The following KCNH8 variants were observed in gnomAD, a reference collection of about 807,000 sequenced individuals.
KCNH8 encodes the protein potassium voltage-gated channel subfamily H member 8, also known as voltage-gated delayed rectifier potassium channel KCNH8.
Under a neutral mutation model 103.6 loss-of-function variants are expected in KCNH8, and 70 were observed. That is an observed-to-expected ratio of 0.68 (90% CI 0.56 to 0.82). The LOEUF (loss-of-function observed/expected upper bound fraction) is 0.82, where lower values mean the gene tolerates loss of function less well. KCNH8 is among the 40% of genes least tolerant of loss of function. KCNH8 has a pLI of 0.00. For synonymous variants in KCNH8, 498 were observed against 489.4 expected, an observed-to-expected ratio of 1.02 and a Z score of -0.23; for missense variants, 1,217 against 1,329.9, an observed-to-expected ratio of 0.92 and a Z score of 1.32.
Position 19,451,413 on chromosome 3 carries a change from G to C in KCNH8, c.1825+9G>C. On this transcript the variant is annotated intron_variant, in intron 10 of 15. Transcript: ENST00000328405. Reference sequence around the variant, plus strand: ...GGTGCTGGCTATTCTTGGTAGGTCTGAATTGAAAAACTTGTATGAAATTTG... The same window carrying C: ...GGTGCTGGCTATTCTTGGTAGGTCTCAATTGAAAAACTTGTATGAAATTTG... 6.2e-7 allele frequency: 1 copy of C among 1,609,276 alleles called. No individual in the cohort carries two copies. Among genetic ancestry groups the C allele is most frequent in the Non-Finnish European group, 8.5e-7 (1 of 1,177,258 alleles).
At chr3:19,399,151 A>C (rs930375261) in intron 7 of KCNH8, among the ~76,000 whole-genome samples, 2 of 151,948 alleles carry the variant, frequency 1.3e-5, no homozygotes, top group Non-Finnish European at 2.9e-5. Flanking sequence ...TAGTGCTTCA[A>C]GGGTAAGATT....
At chr3:19,419,195 G>T (rs9825602) in intron 7 of KCNH8, among the ~76,000 whole-genome samples, 123,417 of 128,708 alleles carry the variant, frequency 0.96, 59,221 homozygotes, top group East Asian at 0.99. Flanking sequence ...AATGGTTTTG[G>T]TTTTTTTTTT....
chr3:19,326,339 A>G (rs1286920793), intron 3 of KCNH8, among the ~76,000 whole-genome samples: 1 of 143,154 alleles, frequency 7.0e-6, no homozygotes, highest in Non-Finnish European at 1.5e-5. Flanking sequence ...GTACCCCTGA[A>G]CTTACAATGA....
chr3:19,527,617 C>A (rs2069087721), intron 15 of KCNH8, among the ~76,000 whole-genome samples: 1 of 152,072 alleles, frequency 6.6e-6, no homozygotes, highest in African/African-American at 2.4e-5. Flanking sequence ...ATAACTATTT[C>A]TAAACCAACA....
Position 19,450,168 on chromosome 3 carries a change from T to C in KCNH8, c.1438T>C (p.Trp480Arg), listed in dbSNP as rs1301821030. 1 of 1,613,788 alleles carries C rather than the reference T, an allele frequency of 6.2e-7. No homozygotes were observed. Among genetic ancestry groups the C allele is most frequent in the South Asian group, 1.1e-5 (1 of 91,080 alleles). ...TAIIQRMYSRWSLYHTRTKDL... is the reference protein window; with the variant it reads ...TAIIQRMYSRRSLYHTRTKDL... Reference sequence around the variant, plus strand: ...AATCATACAGAGGATGTACTCCAGATGGTCCCTCTATCACACTAGAACTAA... The same window carrying C: ...AATCATACAGAGGATGTACTCCAGACGGTCCCTCTATCACACTAGAACTAA... Residue 480 changes from tryptophan (W) to arginine (R), a missense_variant, in exon 9 of 16, where the codon TGG (tryptophan) becomes CGG (arginine). Trp to Arg is a moderately radical substitution (Grantham distance 101, BLOSUM62 -3). Transcript: ENST00000328405.
At chr3:19,171,182 CTT>C (rs975716486) in intron 1 of KCNH8, among the ~76,000 whole-genome samples, 13 of 152,220 alleles carry the variant, frequency 8.5e-5, no homozygotes, top group African/African-American at 2.6e-4. Flanking sequence ...AATTTCCTCA[CTT>C]ATATATTTTT....
At chr3:19,299,503 CTTGT>C (rs2065038157) in intron 3 of KCNH8, among the ~76,000 whole-genome samples, 1 of 152,066 alleles carries the variant, frequency 6.6e-6, no homozygotes, top group African/African-American at 2.4e-5. Context: ...AGTGTCTCGT[CTTGT>C]TTTTCATTTA....
chr3:19,291,224 T>G (rs1356500358), intron 3 of KCNH8, among the ~76,000 whole-genome samples: 1 of 152,188 alleles, frequency 6.6e-6, no homozygotes, highest in Non-Finnish European at 1.5e-5. Flanking sequence ...TTTGAAGGGT[T>G]TTTTGTGTCT....
chr3:19,284,508 GGTGTGTGTGT>G (rs66509260), intron 3 of KCNH8, among the ~76,000 whole-genome samples: 3,956 of 136,598 alleles, frequency 0.029, 164 homozygotes, highest in African/African-American at 0.098. Flanking sequence ...TGGATCTGCT[GGTGTGTGTGT>G]GTGTGTGTGT....
intron 7 of KCNH8, among the ~76,000 whole-genome samples, chr3:19,408,791 A>G (rs1018217840): frequency 5.3e-5 from 8 of 152,308 alleles, no homozygotes; most frequent in Admixed American, 5.2e-4. Flanking sequence ...CAGTCTTTTC[A>G]ACTAACCCAG....
chr3:19,529,273 C>T (rs1356204628), intron 15 of KCNH8, among the ~76,000 whole-genome samples: 1 of 152,144 alleles, frequency 6.6e-6, no homozygotes, highest in East Asian at 1.9e-4. Flanking sequence ...CTCATTTGAT[C>T]AGAACGATTT....
chr3:19,329,449 T>A (rs2065473721), intron 3 of KCNH8, among the ~76,000 whole-genome samples: 1 of 152,172 alleles, frequency 6.6e-6, no homozygotes, highest in Non-Finnish European at 1.5e-5. Flanking sequence ...GAACAATAGG[T>A]AAAGCTATAA....
intron 7 of KCNH8, among the ~76,000 whole-genome samples, chr3:19,436,678 A>G (rs1293119208): frequency 6.6e-6 from 1 of 152,216 alleles, no homozygotes; most frequent in Admixed American, 6.5e-5. Flanking sequence ...AAATTAGGTC[A>G]GTTGTTTGTC....
intron 1 of KCNH8, among the ~76,000 whole-genome samples, chr3:19,190,789 T>C (rs768919977): frequency 6.6e-6 from 1 of 151,878 alleles, no homozygotes; most frequent in Non-Finnish European, 1.5e-5. Context: ...GGAAGAAGTA[T>C]TCATTTGTAG....
intron 3 of KCNH8, among the ~76,000 whole-genome samples, chr3:19,319,117 C>T (rs1259238988): frequency 6.6e-6 from 1 of 152,042 alleles, no homozygotes; most frequent in Admixed American, 6.6e-5. Context: ...TGTGGGTTGT[C>T]TGTTAACTCT....
In KCNH8 at chr3:19,533,614, G is replaced by C. The variant is rs771891295; in HGVS notation, c.2839G>C (p.Ala947Pro). 3.1e-6 allele frequency: 5 copies of C among 1,614,054 alleles called. No individual in the cohort carries two copies. The African/African-American group carries it at 6.7e-5, about 22-fold the overall frequency. The stretch of plus-strand genomic sequence containing the variant: ...AACAGGCGGGGCTGCTTATACCCAA[G>C]CACAACTTTGTAGCAGTAATATCAC... ...LQTGGAAYTQ[A>P]QLCSSNITSD... Residue 947 changes from alanine to proline, a missense_variant, in exon 16 of 16, where the codon GCA (alanine) becomes CCA (proline). Ala to Pro is a conservative substitution (Grantham distance 27, BLOSUM62 -1). This residue lies in a region of KCNH8 where 558 missense variants were observed against 495.8 expected (regional missense o/e 1.13). Coordinates refer to ENST00000328405, the MANE Select transcript of KCNH8 (RefSeq NM_144633.3).
chr3:19,163,618 A>C (rs1003625774), intron 1 of KCNH8, among the ~76,000 whole-genome samples: 1 of 152,136 alleles, frequency 6.6e-6, no homozygotes, highest in African/African-American at 2.4e-5. Flanking sequence ...AAATTGACAA[A>C]AATTATTCCA....
chr3:19,526,283 G>C (rs751285895), intron 15 of KCNH8, among the ~76,000 whole-genome samples: 4 of 151,850 alleles, frequency 2.6e-5, no homozygotes, highest in Non-Finnish European at 5.9e-5. Flanking sequence ...TCTGCTCACT[G>C]AATGCACAAA....
chr3:19,200,672 C>G (rs1292461686), intron 1 of KCNH8, among the ~76,000 whole-genome samples: 1 of 152,034 alleles, frequency 6.6e-6, no homozygotes, highest in African/African-American at 2.4e-5. Flanking sequence ...GATTTGATGT[C>G]TTCCTATGGT....
Sources: gnomAD v4.1 joint callset for allele counts (sites outside exome capture counted in the v4.1 genomes callset) on GRCh38, gnomAD v4.1.1 for gene constraint, gnomAD v4.1.1 regional missense constraint, MANE v1.5 for transcripts, NCBI Gene and HGNC (gene_info 2026-07-23, HGNC 2026-07-21) for gene names.